MMP14: variants seen among roughly 807,000 people sequenced by gnomAD.
MMP14 encodes matrix metallopeptidase 14, also known as matrix metalloproteinase-14.
In MMP14, 13 loss-of-function variants were observed where a neutral mutation model predicts 64.8. The ratio of observed to expected loss-of-function variants is 0.20; its 90% CI spans 0.13 to 0.32. The LOEUF is 0.32. MMP14 is among the 10% of genes least tolerant of loss of function. The pLI is 1.00. For missense variants in MMP14, 594 were observed against 783.8 expected (o/e 0.76, Z 2.89); for synonymous variants, 322 against 315.9 (o/e 1.02, Z -0.20).
rs1047287901 is a variant in MMP14 at position 22,842,549 on chromosome 14, C to G, written c.520C>G (p.Gln174Glu). 4 of 1,614,076 alleles carry G rather than the reference C, an allele frequency of 2.5e-6. No individual in the cohort carries two copies. In the African/African-American group the frequency reaches 5.3e-5, roughly 22 times the overall value. Residue 174 changes from glutamine (Q) to glutamate (E), a missense_variant, in exon 4 of 10, where the codon CAG (glutamine) becomes GAG (glutamate). Around this residue, in one of 4 missense-constraint regions of MMP14, gnomAD observed 179 missense variants for 283.4 expected, o/e 0.63. Transcript: ENST00000311852. The surrounding 1 kb of genome is among the most constrained non-coding windows in gnomAD (Gnocchi z 5.3). The stretch of plus-strand genomic sequence containing the variant: ...CTACATCCGTGAGGGCCATGAGAAG[C>G]AGGCCGACATCATGATCTTCTTTGC... ...YAYIREGHEK[Q>E]ADIMIFFAEG...
In MMP14 at chr14:22,845,265, A is replaced by C. The variant is rs563782263; in HGVS notation, c.1316A>C (p.Asn439Thr). ...FFRGNKYYRFNEELRAVDSEY... is the reference protein window; with the variant it reads ...FFRGNKYYRFTEELRAVDSEY... ...CCCTTCCCCAGGTACTACCGTTTCAACGAAGAGCTCAGGGCAGTGGATAGC... is the reference window on the plus strand; with the variant it reads ...CCCTTCCCCAGGTACTACCGTTTCACCGAAGAGCTCAGGGCAGTGGATAGC... The change falls in exon 9 of 10, where the codon AAC becomes ACC. Residue 439 changes from asparagine to threonine, a missense_variant. By Grantham distance (65) the Asn-to-Thr change is moderately conservative (BLOSUM62 0). This residue lies in a region of MMP14 where 364 missense variants were observed against 425.2 expected (regional missense o/e 0.86). Transcript: ENST00000311852. 8.2e-5 allele frequency: 133 copies of C among 1,613,670 alleles called. No individual in the cohort carries two copies. Among genetic ancestry groups the C allele is most frequent in the Non-Finnish European group, 1.1e-4 (127 of 1,179,850 alleles).
rs753203880 is a variant in MMP14, at chr14:22,842,541, A to G, written c.512A>G (p.His171Arg). The G allele has an allele frequency of 1.7e-5, 28 of 1,614,056 alleles. No individual in the cohort carries two copies. The South Asian group carries it at 1.9e-4, about 11-fold the overall frequency. The change falls in exon 4 of 10, where the codon CAT (histidine) becomes CGT (arginine). Residue 171 changes from histidine to arginine, a missense_variant. By Grantham distance (29) the His-to-Arg change is conservative (BLOSUM62 0). Coordinates refer to ENST00000311852, the MANE Select transcript of MMP14 (RefSeq NM_004995.4). The surrounding 1 kb of genome is among the most constrained non-coding windows in gnomAD (Gnocchi z 5.3). Reference protein sequence around the residue: ...EVPYAYIREGHEKQADIMIFF... With the variant: ...EVPYAYIREGREKQADIMIFF... ...CCCTATGCCTACATCCGTGAGGGCC[A>G]TGAGAAGCAGGCCGACATCATGATC...
At position 22,841,585 on chromosome 14, in the gene MMP14, T is replaced by G; in HGVS notation, c.203T>G (p.Met68Arg). 1 of 1,614,138 alleles carries G rather than the reference T, an allele frequency of 6.2e-7. No individual in the cohort carries two copies. ...TCACTCTCAGCGGCCATCGCTGCCATGCAGAAGTTTTACGGCTTGCAAGTA... is the reference window on the plus strand; with the variant it reads ...TCACTCTCAGCGGCCATCGCTGCCAGGCAGAAGTTTTACGGCTTGCAAGTA... ...PQSLSAAIAA[M>R]QKFYGLQVTG... is the part of the protein sequence containing the mutation. Residue 68 changes from methionine (M) to arginine (R), a missense_variant, in exon 2 of 10, where the codon ATG becomes AGG. Met to Arg is a moderately conservative substitution (Grantham distance 91, BLOSUM62 -1). Transcript: ENST00000311852.
intron 1 of MMP14, among the ~76,000 whole-genome samples, chr14:22,838,349 GA>G (rs2039749928): frequency 6.6e-6 from 1 of 152,144 alleles, no homozygotes; most frequent in African/African-American, 2.4e-5. Flanking sequence ...TCCCCCAGGG[GA>G]GGGGCGGCTG....
Position 22,843,574 on chromosome 14 carries a change from C to A in MMP14, c.851-136C>A. The stretch of plus-strand genomic sequence containing the variant: ...CCACTTTTGAGCCCATCTTTTGTGT[C>A]GCCTCCCAGTTGGTTGCTTCAGCCT... On this transcript the variant is annotated intron_variant, in intron 5 of 9. Transcript: ENST00000311852. The surrounding 1 kb of genome is among the most constrained non-coding windows in gnomAD (Gnocchi z 4.8). The A allele has an allele frequency of 7.3e-7, 1 of 1,375,422 alleles. No individual in the cohort carries two copies. The allele number at this position is 1,375,422 out of a possible 1,614,324, so 85.2% of individuals were successfully genotyped here.
chr14:22,844,361 C>T lies in MMP14; in HGVS notation c.1012-10C>T, dbSNP rs767544305. ...CATAATGGACTTTTCCTGCATTGAC[C>T]GGCTTCCAGGAGCGCTGGTTCTGGC... On this transcript the variant is annotated splice_polypyrimidine_tract_variant and intron_variant, in intron 6 of 9. Transcript: ENST00000311852. 1.2e-5 allele frequency: 20 copies of T among 1,613,860 alleles called. No homozygotes were observed. Among genetic ancestry groups the T allele is most frequent in the Admixed American group, 1.7e-5 (1 of 59,966 alleles).
Position 22,841,562 on chromosome 14 carries a change from A to T in MMP14, c.180A>T (p.Ser60=). Residue 60 remains serine (S), a synonymous_variant, in exon 2 of 10, where the codon TCA becomes TCT. Coordinates refer to ENST00000311852, the MANE Select transcript of MMP14 (RefSeq NM_004995.4). ...LRTHTQRSPQ[S]LSAAIAAMQK... ...CCCACACACAGCGCTCACCCCAGTC[A>T]CTCTCAGCGGCCATCGCTGCCATGC... 2 of 1,614,002 alleles carry T rather than the reference A, an allele frequency of 1.2e-6. No individual in the cohort carries two copies. Among genetic ancestry groups the T allele is most frequent in the Non-Finnish European group, 1.7e-6 (2 of 1,179,986 alleles).
Position 22,845,844 on chromosome 14 carries a change from TGAG to T in MMP14, c.1561_1563del (p.Glu521del). 6.2e-7 allele frequency: 1 copy of T among 1,614,144 alleles called. No individual in the cohort carries two copies. The highest frequency in any genetic ancestry group is 8.5e-7 in the Non-Finnish European group (1 of 1,180,036). ...CGGGAGGCCGGCCGGATGAGGGGACTGAGGAGGAGACGGAGGTGATCATCATTG... is the reference window on the plus strand; with the variant it reads ...CGGGAGGCCGGCCGGATGAGGGGACTGAGGAGACGGAGGTGATCATCATTG... On this transcript the variant is annotated inframe_deletion, in exon 10 of 10. Coordinates refer to ENST00000311852, the MANE Select transcript of MMP14 (RefSeq NM_004995.4).
rs531618881 is a variant in MMP14, at chr14:22,837,130, C to T, written c.108+205C>T. 5,715 of 690,978 alleles carry T rather than the reference C, an allele frequency of 8.3e-3. 238 individuals carry two copies. The African/African-American group carries it at 0.09, about 11-fold the overall frequency. The allele number at this position is 690,978 out of a possible 1,614,324, so 42.8% of individuals were successfully genotyped here. Reference sequence around the variant, plus strand: ...CTTTTGCCCGCTTCCAACCAGCTGCCCCCACCCCCTGCGCCGCCGACTCTC... The same window carrying T: ...CTTTTGCCCGCTTCCAACCAGCTGCTCCCACCCCCTGCGCCGCCGACTCTC... On this transcript the variant is annotated intron_variant, in intron 1 of 9. Coordinates refer to ENST00000311852, the MANE Select transcript of MMP14 (RefSeq NM_004995.4).
At position 22,841,508 on chromosome 14, in the gene MMP14, T is replaced by C. The variant is rs1438454031; in HGVS notation, c.126T>C (p.Tyr42=). 1 of 1,613,980 alleles carries C rather than the reference T, an allele frequency of 6.2e-7. No individual in the cohort carries two copies. The highest frequency in any genetic ancestry group is 8.5e-7 in the Non-Finnish European group (1 of 1,179,984). The change falls in exon 2 of 10, where the codon TAT becomes TAC. Residue 42 remains tyrosine, a synonymous_variant. Transcript: ENST00000311852. ...SFSPEAWLQQ[Y]GYLPPGDLRT... is the part of the protein sequence containing the mutation. ...CCCTACAGGCCTGGCTACAGCAATA[T>C]GGCTACCTGCCTCCCGGGGACCTAC...
At position 22,843,128 on chromosome 14, in the gene MMP14, G is replaced by A; in HGVS notation, c.689-129G>A. 9.2e-7 allele frequency: 1 copy of A among 1,084,728 alleles called. No homozygotes were observed. The highest frequency in any genetic ancestry group is 2.5e-5 in the East Asian group (1 of 40,120). 67.2% of individuals were successfully genotyped at this position (1,084,728 alleles called of 1,614,324 possible). A position where few individuals can be genotyped will look rare whatever the true frequency, so the allele number is the denominator to read the frequency against. ...ATACCAGATAAAAAGCTAGACCTCA[G>A]AATTTGGCCACTTTGGATTGAAAAC... On this transcript the variant is annotated intron_variant, in intron 4 of 9. Coordinates refer to ENST00000311852, the MANE Select transcript of MMP14 (RefSeq NM_004995.4). The surrounding 1 kb of genome is among the most constrained non-coding windows in gnomAD (Gnocchi z 4.8).
At position 22,845,901 on chromosome 14, in the gene MMP14, G is replaced by C. The variant is rs760876083; in HGVS notation, c.1611G>C (p.Val537=). The change falls in exon 10 of 10, where the codon GTG becomes GTC. Residue 537 remains valine (V), a synonymous_variant. Transcript: ENST00000311852. Reference sequence around the variant, plus strand: ...TGGACGAGGAGGGCGGCGGGGCGGTGAGCGCGGCTGCCGTGGTGCTGCCCG... The same window carrying C: ...TGGACGAGGAGGGCGGCGGGGCGGTCAGCGCGGCTGCCGTGGTGCTGCCCG... ...IEVDEEGGGA[V]SAAAVVLPVL... The C allele has an allele frequency of 6.2e-7, 1 of 1,611,600 alleles. No homozygotes were observed. The highest frequency in any genetic ancestry group is 1.1e-5 in the South Asian group (1 of 90,904).
At position 22,842,802 on chromosome 14, in the gene MMP14, C is replaced by G. The variant is rs1180740812; in HGVS notation, c.688+85C>G. 1 of 1,430,168 alleles carries G rather than the reference C, an allele frequency of 7.0e-7. No homozygotes were observed. Among genetic ancestry groups the G allele is most frequent in the Admixed American group, 2.2e-5 (1 of 45,564 alleles). The allele number at this position is 1,430,168 out of a possible 1,614,324, so 88.6% of individuals were successfully genotyped here. A position where few individuals can be genotyped will look rare whatever the true frequency, so the allele number is the denominator to read the frequency against. ...GTTCCCCTCCCTCCTTCCAAAATCT[C>G]CGGGCTAGAAGGGACCACAGAGACC... On this transcript the variant is annotated intron_variant, in intron 4 of 9. Coordinates refer to ENST00000311852, the MANE Select transcript of MMP14 (RefSeq NM_004995.4). This position sits in a 1 kb window ranked among gnomAD's most constrained non-coding sequence, Gnocchi z 5.3.
At position 22,836,911 on chromosome 14, in the gene MMP14, A is replaced by G; in HGVS notation, c.94A>G (p.Ser32Gly). 1.9e-6 allele frequency: 3 copies of G among 1,613,302 alleles called. No individual in the cohort carries two copies. The highest frequency in any genetic ancestry group is 2.5e-6 in the Non-Finnish European group (3 of 1,179,644). Residue 32 changes from serine (S) to glycine (G), a missense_variant, in exon 1 of 10, where the codon AGC (serine) becomes GGC (glycine). Coordinates refer to ENST00000311852, the MANE Select transcript of MMP14 (RefSeq NM_004995.4). Reference sequence around the variant, plus strand: ...CTCCCTCGGCTCGGCCCAAAGCAGCAGCTTCAGCCCCGAAGTAAGTGAGCT... The same window carrying G: ...CTCCCTCGGCTCGGCCCAAAGCAGCGGCTTCAGCCCCGAAGTAAGTGAGCT... ...LASLGSAQSS[S>G]FSPEAWLQQY...
Position 22,846,139 on chromosome 14 carries a change from C to A in MMP14, c.*100C>A. ...GTGGGCTGTTCCCATCGTCCCGAGC[C>A]CCCTCCCCGCAGCCTCCTTGCTTCT... is the stretch of plus-strand genomic sequence containing the variant. On this transcript the variant is annotated 3_prime_UTR_variant, in exon 10 of 10. Transcript: ENST00000311852. 8.6e-7 allele frequency: 1 copy of A among 1,165,362 alleles called. No homozygotes were observed. The highest frequency in any genetic ancestry group is 2.9e-5 in the Admixed American group (1 of 34,088). The allele number at this position is 1,165,362 out of a possible 1,614,324, so 72.2% of individuals were successfully genotyped here.
Position 22,842,310 on chromosome 14 carries a change from C to A in MMP14, c.381-100C>A. On this transcript the variant is annotated intron_variant, in intron 3 of 9. Coordinates refer to ENST00000311852, the MANE Select transcript of MMP14 (RefSeq NM_004995.4). The surrounding 1 kb of genome is among the most constrained non-coding windows in gnomAD (Gnocchi z 5.3). ...GAAGAGCTGGGTCAGGCAGAGGTGG[C>A]TGGGCCGCGCAGTCAGACCTGGGAG... 1 of 1,362,670 alleles carries A rather than the reference C, an allele frequency of 7.3e-7. No homozygotes were observed. Among genetic ancestry groups the A allele is most frequent in the Non-Finnish European group, 1.0e-6 (1 of 991,132 alleles). The allele number at this position is 1,362,670 out of a possible 1,614,324, so 84.4% of individuals were successfully genotyped here.
At chr14:22,840,491 C>A (rs979697193) in intron 1 of MMP14, among the ~76,000 whole-genome samples, 1 of 152,028 alleles carries the variant, frequency 6.6e-6, no homozygotes, top group African/African-American at 2.4e-5. Context: ...ACCCCTATGT[C>A]CCACTTCCTC....
rs2039815984 is a variant in MMP14 at position 22,846,631 on chromosome 14, T to G, written c.*592T>G. The G allele has an allele frequency of 6.5e-6, 1 of 152,802 alleles. No homozygotes were observed. Among genetic ancestry groups the G allele is most frequent in the African/African-American group, 2.4e-5 (1 of 41,450 alleles). 9.5% of individuals were successfully genotyped at this position (152,802 alleles called of 1,614,324 possible). A position where few individuals can be genotyped will look rare whatever the true frequency, so the allele number is the denominator to read the frequency against. Reference sequence around the variant, plus strand: ...TTGGGAGGAAAACTCAGAGAGGGTCTTCGTTGCTCAGTCAGTCAAGTTCCT... The same window carrying G: ...TTGGGAGGAAAACTCAGAGAGGGTCGTCGTTGCTCAGTCAGTCAAGTTCCT... On this transcript the variant is annotated 3_prime_UTR_variant, in exon 10 of 10. Transcript: ENST00000311852.
rs368366856 is a variant in MMP14, at chr14:22,841,973, T to C, written c.318T>C (p.Asn106=). ...AGTTTGGGGCTGAGATCAAGGCCAA[T>C]GTTCGAAGGAAGCGCTACGCCATCC... ...PDKFGAEIKA[N]VRRKRYAIQG... Residue 106 remains asparagine (N), a synonymous_variant, in exon 3 of 10, where the codon AAT becomes AAC. Transcript: ENST00000311852. 3.7e-6 allele frequency: 6 copies of C among 1,614,078 alleles called. No homozygotes were observed. In the East Asian group the frequency reaches 1.3e-4, roughly 36 times the overall value.
Sources: gnomAD v4.1 joint callset for allele counts (sites outside exome capture counted in the v4.1 genomes callset) on GRCh38, gnomAD v4.1.1 for gene constraint, gnomAD v4.1.1 regional missense constraint, Gnocchi (gnomAD v3.1) non-coding constraint, MANE v1.5 for transcripts, NCBI Gene and HGNC (gene_info 2026-07-23, HGNC 2026-07-21) for gene names.